DENND2D: variants seen among roughly 807,000 people sequenced by gnomAD.
DENND2D encodes DENN domain containing 2D.
A neutral mutation model predicts 59.8 loss-of-function variants in DENND2D; 37 were observed. That is an observed-to-expected ratio of 0.62 (90% CI 0.48 to 0.81). The LOEUF is 0.81. Among genes scored for constraint, DENND2D ranks in the 40% least tolerant of loss-of-function variants. The probability of loss-of-function intolerance (pLI) is 0.00; values close to 1 mark genes in which losing one functional copy is unlikely to be tolerated. For synonymous variants in DENND2D, 219 were observed against 211.3 expected (o/e 1.04, Z -0.31); for missense variants, 525 against 579.7 (o/e 0.91, Z 0.97).
In DENND2D at chr1:111,188,214, C is replaced by T. The variant is rs1256290246; in HGVS notation, c.1256G>A (p.Arg419His). The change falls in exon 11 of 12, where the codon CGC becomes CAC. Residue 419 changes from arginine to histidine, a missense_variant. Physicochemically the swap from Arg to His is conservative, Grantham distance 29. This residue lies in a region of DENND2D where 225 missense variants were observed against 252.4 expected (regional missense o/e 0.89). Coordinates refer to ENST00000357640, the MANE Select transcript of DENND2D (RefSeq NM_024901.5). ...CTTCACAAACTTCTTCACAAATCGGCGGTTGGTCTTGGAGGTCAGAGCCTT... is the reference window on the plus strand; with the variant it reads ...CTTCACAAACTTCTTCACAAATCGGTGGTTGGTCTTGGAGGTCAGAGCCTT... Reference protein sequence around the residue: ...FCKALTSKTNRRFVKKFVKTQ... With the variant: ...FCKALTSKTNHRFVKKFVKTQ... The T allele has an allele frequency of 3.1e-6, 5 of 1,614,046 alleles. No homozygotes were observed. Among genetic ancestry groups the T allele is most frequent in the South Asian group, 1.1e-5 (1 of 91,066 alleles).
intron 5 of DENND2D, chr1:111,196,620 C>T (rs146408896): frequency 6.2e-6 from 1 of 160,392 alleles, no homozygotes; most frequent in Non-Finnish European, 1.4e-5. Context: ...CCTTTCTGGT[C>T]ACCAGTGGAT....
At chr1:111,188,096 CTA>C (rs1657386308) in intron 11 of DENND2D, 33 bp downstream of exon 11, 1 of 1,612,050 alleles carries the variant, frequency 6.2e-7, no homozygotes, top group African/African-American at 1.3e-5. Context: ...AGGTAACCCT[CTA>C]TGGGCTTAGA....
At chr1:111,189,381 T>A (rs35906145) in intron 8 of DENND2D, 128 bp from the exon 9 acceptor site, 122,278 of 890,148 alleles carry the variant, frequency 0.14, 9,913 homozygotes, top group Non-Finnish European at 0.17. Context: ...ATATCTTCAG[T>A]TCTCATTTCC....
At position 111,199,786 on chromosome 1, in the gene DENND2D, T is replaced by C; in HGVS notation, c.80A>G (p.Asp27Gly). 6.2e-7 allele frequency: 1 copy of C among 1,612,632 alleles called. No individual in the cohort carries two copies. Among genetic ancestry groups the C allele is most frequent in the South Asian group, 1.1e-5 (1 of 90,928 alleles). The change falls in exon 2 of 12, where the codon GAC becomes GGC. Residue 27 changes from aspartate (D) to glycine (G), a missense_variant. Physicochemically the swap from Asp to Gly is moderately conservative, Grantham distance 94 (BLOSUM62 -1). Coordinates refer to ENST00000357640, the MANE Select transcript of DENND2D (RefSeq NM_024901.5). ...TTCCTTTAAAGCTTCCCCTGAATTG[T>C]CCTGGGGTGGTCCTGAAATCAAGCC... ...LLQLRAGPPQ[D>G]NSGEALKEPE...
rs1657457843 is a variant in DENND2D at position 111,188,752 on chromosome 1, A to C, written c.1049T>G (p.Leu350Arg). ...GDEKDILPPK[L>R]QDDILDSLGQ... ...AAGAGAGTCTAAGATGTCATCCTGA[A>C]GCTTCGGTGGCAGGATGTCTTTTTC... Residue 350 changes from leucine (L) to arginine (R), a missense_variant, in exon 10 of 12, where the codon CTT (leucine) becomes CGT (arginine). Leu to Arg is a moderately radical substitution (Grantham distance 102). Around this residue, in one of 3 missense-constraint regions of DENND2D, gnomAD observed 225 missense variants for 252.4 expected, o/e 0.89. Transcript: ENST00000357640. The C allele has an allele frequency of 6.2e-7, 1 of 1,613,994 alleles. No individual in the cohort carries two copies. Among genetic ancestry groups the C allele is most frequent in the African/African-American group, 1.3e-5 (1 of 74,908 alleles).
chr1:111,187,785 C>T, intron 11 of DENND2D, 104 bp from the exon 12 acceptor site: 1 of 932,772 alleles, frequency 1.1e-6, no homozygotes, highest in South Asian at 1.5e-5. Context: ...CCCCATACTG[C>T]CATCCCTGCC....
At chr1:111,194,480 G>A (rs1658037840) in intron 7 of DENND2D, 98 bp downstream of exon 7, 2 of 1,412,804 alleles carry the variant, frequency 1.4e-6, no homozygotes, top group African/African-American at 2.9e-5. Flanking sequence ...TGGGCGCATG[G>A]ACCCTACAGC....
intron 9 of DENND2D, 117 bp downstream of exon 9, chr1:111,189,095 C>T: frequency 1.6e-6 from 2 of 1,223,300 alleles, no homozygotes; most frequent in Admixed American, 3.9e-5. Flanking sequence ...GTCTTTTTAG[C>T]ACAGATTCTC....
intron 4 of DENND2D, 23 bp from the exon 5 acceptor site, chr1:111,197,276 C>T (rs1658333119): frequency 6.2e-7 from 1 of 1,603,868 alleles, no homozygotes; most frequent in African/African-American, 1.3e-5. Context: ...AGAGAGGCTC[C>T]TTCAGTGCTG....
upstream of DENND2D, chr1:111,204,140 G>T: frequency 2.8e-6 from 1 of 361,442 alleles, no homozygotes; most frequent in Non-Finnish European, 3.6e-6. Flanking sequence ...GCTCCTTCCC[G>T]CTCACCTGCC....
upstream of DENND2D, chr1:111,204,327 T>A (rs1163458851): frequency 1.4e-6 from 2 of 1,481,298 alleles, no homozygotes; most frequent in African/African-American, 2.9e-5. Context: ...TCAGGCTGGC[T>A]CGAAGGCGGC....
At chr1:111,195,643 T>A (rs1394582596) in intron 6 of DENND2D, 6 of 377,308 alleles carry the variant, frequency 1.6e-5, no homozygotes, top group Non-Finnish European at 9.8e-6. Flanking sequence ...AAAAGTCCTT[T>A]ATAGCACCAG....
Position 111,197,431 on chromosome 1 carries a change from G to A in DENND2D, c.427-178C>T, listed in dbSNP as rs75698959. ...AAAGAAGAAATCCTTGAGGGTACTG[G>A]GTGAGTTGGTGGGCAAGCGCTGCCA... On this transcript the variant is annotated intron_variant, in intron 4 of 11. Coordinates refer to ENST00000357640, the MANE Select transcript of DENND2D (RefSeq NM_024901.5). 5,719 of 1,438,210 alleles carry A rather than the reference G, an allele frequency of 4.0e-3. 183 individuals are homozygous for A. In the African/African-American group the frequency reaches 0.073, roughly 18 times the overall value. 89.1% of individuals were successfully genotyped at this position (1,438,210 alleles called of 1,614,324 possible).
In DENND2D at chr1:111,192,264, C is replaced by A; in HGVS notation, c.848G>T (p.Trp283Leu). The A allele has an allele frequency of 1.2e-6, 2 of 1,613,864 alleles. No individual in the cohort carries two copies. The highest frequency in any genetic ancestry group is 1.7e-6 in the Non-Finnish European group (2 of 1,179,846). Residue 283 changes from tryptophan (W) to leucine (L), a missense_variant, in exon 8 of 12, where the codon TGG (tryptophan) becomes TTG (leucine). Trp to Leu is a moderately conservative substitution (Grantham distance 61). Transcript: ENST00000357640. ...AAAALLYPFS[W>L]AHTYIPVVPE... Reference sequence around the variant, plus strand: ...GACAACAGGGATGTAGGTGTGCGCCCAGCTGAAGGGGTAGAGCAGTGCGGC... The same window carrying A: ...GACAACAGGGATGTAGGTGTGCGCCAAGCTGAAGGGGTAGAGCAGTGCGGC...
At chr1:111,197,433 T>C in intron 4 of DENND2D, 180 bp from the exon 5 acceptor site, 2 of 1,437,880 alleles carry the variant, frequency 1.4e-6, no homozygotes. Context: ...GGGTACTGGG[T>C]GAGTTGGTGG....
upstream of DENND2D, chr1:111,200,701 A>T: frequency 7.7e-7 from 1 of 1,293,046 alleles, no homozygotes; most frequent in Non-Finnish European, 9.9e-7. Context: ...GCATCCTGGC[A>T]CTGCAGCGCA....
chr1:111,196,944 G>T, intron 5 of DENND2D: 1 of 494,686 alleles, frequency 2.0e-6, no homozygotes, highest in Non-Finnish European at 3.7e-6. Flanking sequence ...TTTCTTACTT[G>T]GCTAGAGTGG....
At chr1:111,204,416 C>G, upstream of DENND2D, 1 of 1,330,792 alleles carries the variant, frequency 7.5e-7, no homozygotes, top group Non-Finnish European at 9.6e-7. Flanking sequence ...CTATCCTTGA[C>G]CTCCGCGGGT....
intron 7 of DENND2D, among the ~76,000 whole-genome samples, chr1:111,192,887 T>C (rs1345118006): frequency 6.6e-6 from 1 of 152,174 alleles, no homozygotes; most frequent in Non-Finnish European, 1.5e-5. Context: ...TCGAGGTTAT[T>C]AAAGATTACC....
Sources: allele counts gnomAD v4.1 joint callset (sites outside exome capture counted in the v4.1 genomes callset), GRCh38; gene constraint gnomAD v4.1.1; regional missense constraint gnomAD v4.1.1; transcripts MANE v1.5; gene names NCBI Gene and HGNC (gene_info 2026-07-23, HGNC 2026-07-21).